Variants in MORC3 observed in about 807,000 individuals in gnomAD.
MORC3 encodes MORC family CW-type zinc finger protein 3.
Under a neutral mutation model 109.1 loss-of-function variants are expected in MORC3, and 31 were observed. The observed-to-expected ratio is 0.28, with a 90% confidence interval of 0.21 to 0.38. MORC3 has a LOEUF of 0.38. MORC3 is among the 10% of genes least tolerant of loss of function. MORC3 has a pLI of 1.00. For synonymous variants in MORC3, 395 were observed against 380.7 expected, an observed-to-expected ratio of 1.04 and a Z score of -0.44; for missense variants, 867 against 1,135.8, an observed-to-expected ratio of 0.76 and a Z score of 3.40.
intron 2 of MORC3, among the ~76,000 whole-genome samples, chr21:36,336,353 C>T (rs947302914): frequency 6.6e-6 from 1 of 152,170 alleles, no homozygotes; most frequent in Admixed American, 6.6e-5. Flanking sequence ...AGCGATTCTC[C>T]TGTCTTAGCC....
chr21:36,331,945 G>A (rs1473456805), intron 1 of MORC3, among the ~76,000 whole-genome samples: 1 of 152,144 alleles, frequency 6.6e-6, no homozygotes, highest in Non-Finnish European at 1.5e-5. Flanking sequence ...TTGGAGACCA[G>A]CCTGGGCAAC....
At chr21:36,374,371 G>A (rs1308307597) in intron 16 of MORC3, among the ~76,000 whole-genome samples, 2 of 152,046 alleles carry the variant, frequency 1.3e-5, no homozygotes, top group East Asian at 1.9e-4. Context: ...GATTACAGGC[G>A]TGAACCTCTG....
rs1280913760 is a variant in MORC3 at position 36,360,301 on chromosome 21, C to T, written c.1406+43C>T. On this transcript the variant is annotated intron_variant, in intron 12 of 16. Coordinates refer to ENST00000400485, the MANE Select transcript of MORC3 (RefSeq NM_015358.3). ...GTATAGTGGGTAATAATGCCCAGAT[C>T]ATGAACAGTGATGCCTTGGCAACAT... The T allele has an allele frequency of 1.9e-6, 3 of 1,539,578 alleles. No homozygotes were observed. In the South Asian group the frequency reaches 3.4e-5, roughly 17 times the overall value.
intron 9 of MORC3, among the ~76,000 whole-genome samples, chr21:36,352,406 G>T (rs530011501): frequency 6.8e-6 from 1 of 147,774 alleles, no homozygotes; most frequent in Non-Finnish European, 1.5e-5. Flanking sequence ...GGTGGGGGGG[G>T]GCAGGTTGAA....
chr21:36,362,146 G>A (rs778467115), intron 12 of MORC3, 37 bp from the exon 13 acceptor site: 20 of 1,602,934 alleles, frequency 1.2e-5, no homozygotes, highest in Non-Finnish European at 1.7e-5. Flanking sequence ...AAATGGGATT[G>A]AGAAATAACA....
At chr21:36,339,674 T>A (rs1308059184) in intron 5 of MORC3, 2 of 152,140 alleles carry the variant, frequency 1.3e-5, no homozygotes, top group East Asian at 3.8e-4. Flanking sequence ...TCCTTTATCT[T>A]TGTGAGGATA....
At chr21:36,342,091 G>T (rs1305762510) in intron 6 of MORC3, among the ~76,000 whole-genome samples, 1 of 152,038 alleles carries the variant, frequency 6.6e-6, no homozygotes, top group Non-Finnish European at 1.5e-5. Flanking sequence ...AGTTGGGCAC[G>T]GTGGCAGGCA....
intron 12 of MORC3, chr21:36,361,982 C>T (rs1385459136): frequency 3.2e-6 from 2 of 627,332 alleles, no homozygotes; most frequent in Non-Finnish European, 5.7e-6. Flanking sequence ...GCAGTTTATA[C>T]CGGTGAGGAT....
At chr21:36,329,289 C>G (rs1306420265) in intron 1 of MORC3, among the ~76,000 whole-genome samples, 1 of 148,588 alleles carries the variant, frequency 6.7e-6, no homozygotes, top group East Asian at 1.9e-4. Flanking sequence ...AGCGAGACTC[C>G]ATCTCAAAAA....
chr21:36,352,331 A>G (rs1303088215), intron 9 of MORC3, among the ~76,000 whole-genome samples: 3 of 151,452 alleles, frequency 2.0e-5, no homozygotes, highest in Non-Finnish European at 4.4e-5. Context: ...GGGAGAGTTA[A>G]GGATACCAGC....
chr21:36,349,544 G>A, intron 9 of MORC3, 136 bp downstream of exon 9: 1 of 496,690 alleles, frequency 2.0e-6, no homozygotes, highest in Admixed American at 4.3e-5. Context: ...ACTTGTGATG[G>A]TGTAGGTTAC....
rs572140631 is a variant in MORC3, at chr21:36,338,844, G to T, written c.531G>T (p.Thr177=). ...AAILEHSLFS[T]EQKLLAELDA... is the part of the protein sequence containing the mutation. ...TTCTGGAACATTCTCTGTTTTCCACGGAACAGAAGTTACTGGCAGAACTTG... is the reference window on the plus strand; with the variant it reads ...TTCTGGAACATTCTCTGTTTTCCACTGAACAGAAGTTACTGGCAGAACTTG... The change falls in exon 5 of 17, where the codon ACG becomes ACT. Residue 177 remains threonine, a synonymous_variant. Coordinates refer to ENST00000400485, the MANE Select transcript of MORC3 (RefSeq NM_015358.3). The T allele has an allele frequency of 7.4e-6, 12 of 1,613,694 alleles. No homozygotes were observed. The highest frequency in any genetic ancestry group is 5.9e-6 in the Non-Finnish European group (7 of 1,179,826).
chr21:36,329,330 G>A (rs544018748), intron 1 of MORC3, among the ~76,000 whole-genome samples: 67 of 152,056 alleles, frequency 4.4e-4, no homozygotes, highest in Middle Eastern at 3.4e-3. Flanking sequence ...TTACAAATTT[G>A]TGTTGGGCTG....
intron 14 of MORC3, among the ~76,000 whole-genome samples, chr21:36,366,676 A>G (rs563088989): frequency 6.6e-6 from 1 of 152,236 alleles, no homozygotes; most frequent in African/African-American, 2.4e-5. Flanking sequence ...GCTGGTCTCA[A>G]ACTCCTAAGC....
chr21:36,320,432 G>C, intron 1 of MORC3, 129 bp downstream of exon 1: 5 of 923,500 alleles, frequency 5.4e-6, no homozygotes, highest in Non-Finnish European at 7.0e-6. Context: ...CGGGGCCCGG[G>C]GAGGGGGCGG....
Position 36,369,242 on chromosome 21 carries a change from C to T in MORC3, c.1874C>T (p.Thr625Ile), listed in dbSNP as rs1475272393. ...DSEPCGQTGSTSTSSSRCDQG... is the reference protein window; with the variant it reads ...DSEPCGQTGSISTSSSRCDQG... ...GAACCTTGTGGCCAGACTGGTTCAA[C>T]AAGCACCTCATCATCCCGATGCGAC... The change falls in exon 15 of 17, where the codon ACA becomes ATA. Residue 625 changes from threonine to isoleucine, a missense_variant. Coordinates refer to ENST00000400485, the MANE Select transcript of MORC3 (RefSeq NM_015358.3). The T allele has an allele frequency of 6.2e-7, 1 of 1,614,144 alleles. No individual in the cohort carries two copies.
rs150169947 is a variant in MORC3, at chr21:36,338,707, GAGTT to G, written c.461-62_461-59del. The G allele has an allele frequency of 6.0e-3, 8,437 of 1,396,086 alleles. 300 individuals carry two copies. In the African/African-American group the frequency reaches 0.091, roughly 15 times the overall value. The allele number at this position is 1,396,086 out of a possible 1,614,324, so 86.5% of individuals were successfully genotyped here. Reference sequence around the variant, plus strand: ...AGTTTTTCTGTTATTTAAGTTTATAGAGTTAGTTTTCATATTGTAATTATGAAAA... The same window carrying G: ...AGTTTTTCTGTTATTTAAGTTTATAGAGTTTTCATATTGTAATTATGAAAA... On this transcript the variant is annotated intron_variant, in intron 4 of 16. Transcript: ENST00000400485.
chr21:36,350,244 T>C (rs920681256), intron 9 of MORC3, among the ~76,000 whole-genome samples: 1 of 151,482 alleles, frequency 6.6e-6, no homozygotes, highest in African/African-American at 2.4e-5. Context: ...GAAGGTGGAG[T>C]GTGCAGTGAG....
intron 13 of MORC3, 82 bp from the exon 14 acceptor site, chr21:36,364,011 G>T: frequency 7.1e-7 from 1 of 1,407,770 alleles, no homozygotes; most frequent in South Asian, 1.3e-5. Flanking sequence ...GGATAAGGGG[G>T]AAGAGGAAGA....
Sources: gnomAD v4.1 joint callset for allele counts (sites outside exome capture counted in the v4.1 genomes callset) on GRCh38, gnomAD v4.1.1 for gene constraint, MANE v1.5 for transcripts, NCBI Gene and HGNC (gene_info 2026-07-23, HGNC 2026-07-21) for gene names.